PAPLN: variants seen among roughly 807,000 people sequenced by gnomAD.
PAPLN encodes the protein papilin.
In PAPLN, 146 loss-of-function variants were observed where a neutral mutation model predicts 159.0. That is an observed-to-expected ratio of 0.92 (90% CI 0.80 to 1.05). The LOEUF (loss-of-function observed/expected upper bound fraction) is 1.05. PAPLN is among the 50% of genes least tolerant of loss of function. PAPLN has a pLI of 0.00. For missense variants in PAPLN, 1,720 were observed against 1,743.9 expected (o/e 0.99, Z 0.24); for synonymous variants, 734 against 702.9 (o/e 1.04, Z -0.70).
At position 73,262,463 on chromosome 14, in the gene PAPLN, T is replaced by A; in HGVS notation, c.2359T>A (p.Cys787Ser). ...GQCNRFWYGGCHGNANNFASE... is the reference protein window; with the variant it reads ...GQCNRFWYGGSHGNANNFASE... ...ATGTAACCGCTTCTGGTATGGCGGC[T>A]GCCATGGCAATGCCAATAACTTTGC... Residue 787 changes from cysteine (C) to serine (S), a missense_variant, in exon 19 of 27, where the codon TGC (cysteine) becomes AGC (serine). Coordinates refer to ENST00000644200, the MANE Select transcript of PAPLN (RefSeq NM_001365906.3). 1.2e-6 allele frequency: 2 copies of A among 1,611,326 alleles called. No homozygotes were observed. The highest frequency in any genetic ancestry group is 1.7e-6 in the Non-Finnish European group (2 of 1,178,742).
chr14:73,242,516 T>TA (rs1434839259), intron 2 of PAPLN: 4 of 152,090 alleles, frequency 2.6e-5, no homozygotes, highest in African/African-American at 9.7e-5. Context: ...CCTGAATACT[T>TA]AAAATGTGGG....
At chr14:73,246,397 ATTTTTTTTTTTTTTT>A (rs531973214) in intron 5 of PAPLN, among the ~76,000 whole-genome samples, 9 of 84,648 alleles carry the variant, frequency 1.1e-4, no homozygotes, top group African/African-American at 2.2e-4. Flanking sequence ...TACCCGACCA[ATTTTTTTTTTTTTTT>A]TTTTTTTTTT....
At chr14:73,241,585 TGA>T (rs1467748279) in intron 2 of PAPLN, among the ~76,000 whole-genome samples, 1 of 152,234 alleles carries the variant, frequency 6.6e-6, no homozygotes, top group Non-Finnish European at 1.5e-5. Context: ...CTCCTCCCAG[TGA>T]GTCTCAGATG....
In PAPLN at chr14:73,245,560, G is replaced by C; in HGVS notation, c.171-76G>C. 6.7e-7 allele frequency: 1 copy of C among 1,482,074 alleles called. No homozygotes were observed. The highest frequency in any genetic ancestry group is 9.1e-7 in the Non-Finnish European group (1 of 1,094,468). The allele number at this position is 1,482,074 out of a possible 1,614,324, so 91.8% of individuals were successfully genotyped here. ...CACTGGAGAGTCCCGCAGAAGTTGG[G>C]GCCTGCAGAGAGCCCCAGAACGGGG... is the stretch of plus-strand genomic sequence containing the variant. On this transcript the variant is annotated intron_variant, in intron 3 of 26. Transcript: ENST00000644200. This position sits in a 1 kb window ranked among gnomAD's most constrained non-coding sequence, Gnocchi z 4.2.
intron 26 of PAPLN, 105 bp downstream of exon 26, chr14:73,268,828 C>A: frequency 7.6e-7 from 1 of 1,322,592 alleles, no homozygotes; most frequent in Non-Finnish European, 1.0e-6. Flanking sequence ...TGAATCCTGG[C>A]TCACCCTGCC....
Position 73,244,227 on chromosome 14 carries a change from C to G in PAPLN, c.55-417C>G, listed in dbSNP as rs182010745. ...AGGAGGGGATGAATATTGGGGTACT[C>G]CTGGGAGTCTCGGCCAGATTAGCAG... On this transcript the variant is annotated intron_variant, in intron 2 of 26. Coordinates refer to ENST00000644200, the MANE Select transcript of PAPLN (RefSeq NM_001365906.3). 117 of 163,304 alleles carry G rather than the reference C, an allele frequency of 7.2e-4. 1 individual carries two copies. Among genetic ancestry groups the G allele is most frequent in the Non-Finnish European group, 9.2e-4 (68 of 73,906 alleles). The allele number at this position is 163,304 out of a possible 1,614,324, so 10.1% of individuals were successfully genotyped here.
chr14:73,251,193 G>A (rs12432062), intron 7 of PAPLN, among the ~76,000 whole-genome samples, 163 bp downstream of exon 7: 23,650 of 152,132 alleles, frequency 0.16, 2,462 homozygotes, highest in African/African-American at 0.29. Context: ...GTGGCCTTTG[G>A]TTAGGACTCG....
intron 5 of PAPLN, among the ~76,000 whole-genome samples, chr14:73,249,345 C>T (rs1884961172): frequency 6.6e-6 from 1 of 152,200 alleles, no homozygotes; most frequent in South Asian, 2.1e-4. Context: ...GCATAGTCAG[C>T]ATGTGTAATA....
At chr14:73,247,092 C>T (rs1884484063) in intron 5 of PAPLN, among the ~76,000 whole-genome samples, 1 of 152,142 alleles carries the variant, frequency 6.6e-6, no homozygotes, top group Admixed American at 6.5e-5. Flanking sequence ...AGCGTTCCTC[C>T]CGTCGCACAG....
At chr14:73,271,128 C>T (rs1475978742) in intron 26 of PAPLN, among the ~76,000 whole-genome samples, 1 of 152,152 alleles carries the variant, frequency 6.6e-6, no homozygotes, top group East Asian at 1.9e-4. Flanking sequence ...CCGGATTGAG[C>T]CCGGGCAGTA....
Position 73,252,072 on chromosome 14 carries a change from C to G in PAPLN, c.898C>G (p.Arg300Gly). The G allele has an allele frequency of 6.2e-7, 1 of 1,611,888 alleles. No individual in the cohort carries two copies. The highest frequency in any genetic ancestry group is 8.5e-7 in the Non-Finnish European group (1 of 1,179,382). ...GCACTATGAGTACCACCTGCCCCTGCGCCGCCCCAGCCCCGGCTTCAGCTG... is the reference window on the plus strand; with the variant it reads ...GCACTATGAGTACCACCTGCCCCTGGGCCGCCCCAGCCCCGGCTTCAGCTG... The part of the protein sequence containing the change: ...GVHYEYHLPL[R>G]RPSPGFSWSH... Residue 300 changes from arginine (R) to glycine (G), a missense_variant, in exon 10 of 27, where the codon CGC becomes GGC. Transcript: ENST00000644200.
chr14:73,254,473 G>A (rs1187316031), intron 12 of PAPLN, 40 bp from the exon 13 acceptor site: 2 of 1,605,036 alleles, frequency 1.2e-6, no homozygotes, highest in African/African-American at 2.7e-5. Context: ...TGGCTCCTGG[G>A]GGCAAGGCCG....
At chr14:73,235,854 T>C (rs1452031635), upstream of PAPLN, among the ~76,000 whole-genome samples, 1 of 152,230 alleles carries the variant, frequency 6.6e-6, no homozygotes, top group Non-Finnish European at 1.5e-5. Context: ...CCTGTCTTCA[T>C]TGATAGGTAA....
chr14:73,245,662 GC>G lies in PAPLN; in HGVS notation c.201del (p.Ala68ProfsTer51). 6.4e-7 allele frequency: 1 copy of G among 1,558,010 alleles called. No individual in the cohort carries two copies. On this transcript the variant is annotated frameshift_variant, in exon 4 of 27. Coordinates refer to ENST00000644200, the MANE Select transcript of PAPLN (RefSeq NM_001365906.3). LOFTEE classifies it high-confidence loss of function. This position sits in a 1 kb window ranked among gnomAD's most constrained non-coding sequence, Gnocchi z 4.2. ...QRRDGGSSCVGPARSHRSCRT... is the reference protein window; with the variant it reads ...QRRDGGSSCVXPARSHRSCRT... ...AGAGATGGAGGCTCCAGCTGCGTGG[GC>G]CCCGCCCGGAGCCACCGCTCTTGTC...
At chr14:73,261,929 G>A (rs2140283846) in intron 18 of PAPLN, 2 of 191,994 alleles carry the variant, frequency 1.0e-5, no homozygotes, top group Admixed American at 5.6e-5. Context: ...GGGGACAAGG[G>A]CATGCCCTTG....
Position 73,272,518 on chromosome 14 carries a change from C to G in PAPLN, c.3691C>G (p.Pro1231Ala), listed in dbSNP as rs865903856. 6 of 1,567,606 alleles carry G rather than the reference C, an allele frequency of 3.8e-6. No homozygotes were observed. Among genetic ancestry groups the G allele is most frequent in the Middle Eastern group, 3.4e-4 (2 of 5,824 alleles). The change falls in exon 27 of 27, where the codon CCT (proline) becomes GCT (alanine). Residue 1231 changes from proline (P) to alanine (A), a missense_variant. Coordinates refer to ENST00000644200, the MANE Select transcript of PAPLN (RefSeq NM_001365906.3). ...AGCACCCACCGCCCAGCCCAGGGAC[C>G]CTGGCAGGGACTGCGTCGACCAGCC... ...SPAPTAQPRD[P>A]GRDCVDQPEL... is the part of the protein sequence containing the mutation.
At position 73,261,299 on chromosome 14, in the gene PAPLN, G is replaced by T; in HGVS notation, c.2245+5G>T. The T allele has an allele frequency of 6.2e-7, 1 of 1,613,410 alleles. No individual in the cohort carries two copies. Among genetic ancestry groups the T allele is most frequent in the Non-Finnish European group, 8.5e-7 (1 of 1,179,892 alleles). On this transcript the variant is annotated splice_donor_5th_base_variant and intron_variant, in intron 18 of 26. Coordinates refer to ENST00000644200, the MANE Select transcript of PAPLN (RefSeq NM_001365906.3). ...GTGTGGGCCAGCCCAGCCATGGTGA[G>T]TGGACACCCCCTCTCCTCCTTCTCG...
Position 73,262,625 on chromosome 14 carries a change from C to T in PAPLN, c.2521C>T (p.His841Tyr). 6.5e-7 allele frequency: 1 copy of T among 1,540,338 alleles called. No homozygotes were observed. The highest frequency in any genetic ancestry group is 8.8e-7 in the Non-Finnish European group (1 of 1,139,586). The change falls in exon 19 of 27, where the codon CAC (histidine) becomes TAC (tyrosine). Residue 841 changes from histidine to tyrosine, a missense_variant. Transcript: ENST00000644200. ...TGCAGGCGAGCAGGAACCCAGCCAG[C>T]ACAGGACAGGGGCCGCGGTGCAGAG... is the stretch of plus-strand genomic sequence containing the variant. ...SPAGEQEPSQ[H>Y]RTGAAVQRKP...
intron 14 of PAPLN, among the ~76,000 whole-genome samples, chr14:73,256,283 C>G (rs1885895473): frequency 6.6e-6 from 1 of 152,172 alleles, no homozygotes; most frequent in African/African-American, 2.4e-5. Context: ...GTAATCCCAG[C>G]ACTTTGGGAG....
Sources: allele counts gnomAD v4.1 joint callset (sites outside exome capture counted in the v4.1 genomes callset), GRCh38; gene constraint gnomAD v4.1.1; non-coding constraint Gnocchi (gnomAD v3.1); transcripts MANE v1.5; gene names NCBI Gene and HGNC (gene_info 2026-07-23, HGNC 2026-07-21).